FDXR: variants seen among roughly 807,000 people sequenced by gnomAD.
The protein encoded by FDXR is ferredoxin reductase.
In FDXR, 38 loss-of-function variants were observed where a neutral mutation model predicts 58.3. The observed-to-expected ratio is 0.65, with a 90% CI of 0.50 to 0.85. The LOEUF is 0.85. Ranked by LOEUF, FDXR falls within the 40% of genes least tolerant of loss-of-function variation. FDXR has a pLI of 0.00. For synonymous variants in FDXR, 275 were observed against 273.8 expected (o/e 1.00, Z -0.04); for missense variants, 624 against 671.0 (o/e 0.93, Z 0.77).
At chr17:74,872,686 C>T in intron 1 of FDXR, 180 bp downstream of exon 1, 1 of 1,353,542 alleles carries the variant, frequency 7.4e-7, no homozygotes, top group South Asian at 1.4e-5. Context: ...ACCCTAGAAG[C>T]CTCACATCTC....
At chr17:74,870,516 C>A (rs1319045925) in intron 2 of FDXR, among the ~76,000 whole-genome samples, 184 of 54,918 alleles carry the variant, frequency 3.4e-3, no homozygotes, top group East Asian at 0.012. Context: ...GACTCCATCT[C>A]AAAAAAAAAA....
At chr17:74,871,188 C>T (rs2038364590) in intron 2 of FDXR, among the ~76,000 whole-genome samples, 1 of 152,214 alleles carries the variant, frequency 6.6e-6, no homozygotes, top group South Asian at 2.1e-4. Context: ...CCCGTGTTGC[C>T]TGGGAAGCAT....
rs1377714400 is a variant in FDXR, at chr17:74,866,979, G to A, written c.178-103C>T. On this transcript the variant is annotated intron_variant, in intron 2 of 11. Coordinates refer to ENST00000293195, the MANE Select transcript of FDXR (RefSeq NM_024417.5). ...ACAGAGCAGGAGAGTTCAGGACCCTGGGCTGAGAACACAAGGCTTCCACCC... is the reference window on the plus strand; with the variant it reads ...ACAGAGCAGGAGAGTTCAGGACCCTAGGCTGAGAACACAAGGCTTCCACCC... 8 of 1,531,962 alleles carry A rather than the reference G, an allele frequency of 5.2e-6. No individual in the cohort carries two copies. The Admixed American group carries it at 6.2e-5, about 12-fold the overall frequency. The allele number at this position is 1,531,962 out of a possible 1,614,324, so 94.9% of individuals were successfully genotyped here.
Position 74,866,471 on chromosome 17 carries a change from T to A in FDXR, c.368A>T (p.Gln123Leu). The change falls in exon 4 of 12, where the codon CAG becomes CTG. Residue 123 changes from glutamine to leucine, a missense_variant. Physicochemically the swap from Gln to Leu is moderately radical, Grantham distance 113 (BLOSUM62 -2). Coordinates refer to ENST00000293195, the MANE Select transcript of FDXR (RefSeq NM_024417.5). ...CAGCACCACAGCGTGGTAGGCCTCC[T>A]GCAGCTCCGGCACCGTCACGTCCCT... ...VGRDVTVPEL[Q>L]EAYHAVVLSY... 6.2e-7 allele frequency: 1 copy of A among 1,612,986 alleles called. No individual in the cohort carries two copies. The highest frequency in any genetic ancestry group is 8.5e-7 in the Non-Finnish European group (1 of 1,179,622).
chr17:74,871,923 G>A (rs2038386333), intron 2 of FDXR, 113 bp downstream of exon 2: 1 of 722,388 alleles, frequency 1.4e-6, no homozygotes, highest in East Asian at 2.9e-5. Flanking sequence ...CAGATGGCTG[G>A]GAGCCCCTTC....
intron 2 of FDXR, among the ~76,000 whole-genome samples, chr17:74,869,418 C>T (rs182413465): frequency 5.3e-5 from 8 of 152,154 alleles, no homozygotes; most frequent in Non-Finnish European, 1.2e-4. Flanking sequence ...GGCTTCCAAG[C>T]CCCCCAGGAT....
At chr17:74,864,436 C>T (rs1301868931) in intron 8 of FDXR, 44 bp downstream of exon 8, 1 of 1,609,114 alleles carries the variant, frequency 6.2e-7, no homozygotes, top group East Asian at 2.2e-5. Context: ...TGACCTAGGC[C>T]ACCCTCTCCC....
intron 6 of FDXR, among the ~76,000 whole-genome samples, 157 bp downstream of exon 6, chr17:74,865,562 T>G (rs569239820): frequency 1.3e-5 from 2 of 152,236 alleles, no homozygotes; most frequent in South Asian, 4.1e-4. Context: ...AGGAAGCTCA[T>G]GGCACTGCCC....
chr17:74,870,851 G>A (rs2038354905), intron 2 of FDXR, among the ~76,000 whole-genome samples: 1 of 135,622 alleles, frequency 7.4e-6, no homozygotes, highest in Non-Finnish European at 1.5e-5. Context: ...CGCCCAGGCT[G>A]GAGTACAGTG....
chr17:74,862,993 C>T, intron 11 of FDXR, 46 bp from the exon 12 acceptor site: 1 of 1,603,808 alleles, frequency 6.2e-7, no homozygotes. Flanking sequence ...TCACCCCTCC[C>T]AGAACAGCCC....
At chr17:74,872,498 C>G in intron 1 of FDXR, 1 of 617,034 alleles carries the variant, frequency 1.6e-6, no homozygotes, top group Non-Finnish European at 2.8e-6. Flanking sequence ...TCTAACCCCT[C>G]TCTCTCTCCA....
intron 1 of FDXR, 150 bp downstream of exon 1, chr17:74,872,716 C>G: frequency 3.3e-6 from 5 of 1,493,958 alleles, no homozygotes; most frequent in Non-Finnish European, 4.5e-6. Context: ...TCTCCGCCCA[C>G]CCCCGTACAC....
intron 2 of FDXR, chr17:74,869,908 G>A (rs1008422168): frequency 3.8e-5 from 17 of 442,400 alleles, no homozygotes; most frequent in Admixed American, 2.4e-4. Context: ...CCTGCTCCAC[G>A]GTGGAAGCTT....
chr17:74,868,780 C>T, intron 2 of FDXR: 1 of 1,470,146 alleles, frequency 6.8e-7, no homozygotes. Context: ...GCCCCCCTCC[C>T]TCCTCCCTGA....
chr17:74,866,751 C>A, intron 3 of FDXR, 33 bp downstream of exon 3: 1 of 1,612,094 alleles, frequency 6.2e-7, no homozygotes, highest in Non-Finnish European at 8.5e-7. Flanking sequence ...CCAAAGTCTC[C>A]AAACCCCAGC....
chr17:74,864,945 A>T lies in FDXR; in HGVS notation c.610-14T>A. The T allele has an allele frequency of 6.2e-7, 1 of 1,614,040 alleles. No homozygotes were observed. Among genetic ancestry groups the T allele is most frequent in the Non-Finnish European group, 8.5e-7 (1 of 1,179,966 alleles). On this transcript the variant is annotated splice_polypyrimidine_tract_variant and intron_variant, in intron 6 of 11. Transcript: ENST00000293195. ...GATGTCCGTTCTCTGGCACAAAAGG[A>T]GGGCCTTGGAGTCATCAGACACTGA...
Position 74,865,775 on chromosome 17 carries a change from C to T in FDXR, c.553G>A (p.Gly185Arg). 1 of 1,613,794 alleles carries T rather than the reference C, an allele frequency of 6.2e-7. No homozygotes were observed. Among genetic ancestry groups the T allele is most frequent in the Non-Finnish European group, 8.5e-7 (1 of 1,179,982 alleles). ...SCDTAVILGQ[G>R]NVALDVARIL... is the part of the protein sequence containing the mutation. ...CGGGCCACGTCCAGAGCCACGTTCC[C>T]CTGCCCCAGAATCACGGCTGTGTCA... is the stretch of plus-strand genomic sequence containing the variant. The change falls in exon 6 of 12, where the codon GGG becomes AGG. Residue 185 changes from glycine to arginine, a missense_variant. Physicochemically the swap from Gly to Arg is moderately radical, Grantham distance 125. Transcript: ENST00000293195.
chr17:74,863,626 C>T (rs1257276182), intron 10 of FDXR, among the ~76,000 whole-genome samples: 2 of 152,210 alleles, frequency 1.3e-5, no homozygotes, highest in African/African-American at 2.4e-5. Context: ...AATCTCCAAT[C>T]CCAGCACTAA....
intron 6 of FDXR, among the ~76,000 whole-genome samples, chr17:74,865,148 G>A (rs993222806): frequency 2.0e-5 from 3 of 152,198 alleles, no homozygotes; most frequent in African/African-American, 7.2e-5. Context: ...CAAGTATGTA[G>A]TGGGCCTCTA....
Sources: allele counts gnomAD v4.1 joint callset (sites outside exome capture counted in the v4.1 genomes callset), GRCh38; gene constraint gnomAD v4.1.1; transcripts MANE v1.5; gene names NCBI Gene and HGNC (gene_info 2026-07-23, HGNC 2026-07-21).